Variants in SORL1 observed in about 807,000 individuals in gnomAD.
SORL1 encodes the protein sortilin related receptor 1.
Under a neutral mutation model 273.7 loss-of-function variants are expected in SORL1, and 127 were observed. The ratio of observed to expected loss-of-function variants is 0.46; its 90% confidence interval spans 0.40 to 0.54. The LOEUF is 0.54. Among genes scored for constraint, SORL1 ranks in the 20% least tolerant of loss-of-function variants. The pLI, the probability that SORL1 is intolerant of heterozygous loss-of-function variation, is 0.00. For synonymous variants in SORL1, 1,031 were observed against 1,067.4 expected (o/e 0.97, Z 0.66); for missense variants, 2,494 against 2,846.1 (o/e 0.88, Z 2.81).
chr11:121,473,756 G>A (rs113299964), intron 2 of SORL1, among the ~76,000 whole-genome samples: 7 of 152,266 alleles, frequency 4.6e-5, no homozygotes, highest in Admixed American at 1.3e-4. Flanking sequence ...TTAGCCAGGC[G>A]TGGTGGCACA....
chr11:121,587,412 C>T (rs150958718), intron 27 of SORL1, among the ~76,000 whole-genome samples: 3 of 152,218 alleles, frequency 2.0e-5, no homozygotes, highest in Non-Finnish European at 4.4e-5. Context: ...TTGCTGTGTC[C>T]TCACATGGCC....
chr11:121,611,394 C>T, intron 39 of SORL1: 1 of 395,042 alleles, frequency 2.5e-6, no homozygotes, highest in Non-Finnish European at 4.6e-6. Context: ...TATCCTTAAC[C>T]ATATAATTAA....
At chr11:121,559,141 C>T (rs944044219) in intron 20 of SORL1, among the ~76,000 whole-genome samples, 14 of 152,098 alleles carry the variant, frequency 9.2e-5, no homozygotes, top group Admixed American at 2.0e-4. Flanking sequence ...ATTTTTTGTG[C>T]GCTTTGCTCA....
Position 121,497,117 on chromosome 11 carries a change from T to G in SORL1, c.939+68T>G, listed in dbSNP as rs1861643730. ...TTTGTGAAGTTTGGCATTCTGTGAT[T>G]AAACAGGTGAGTTTGCATACACAGG... is the stretch of plus-strand genomic sequence containing the variant. On this transcript the variant is annotated intron_variant, in intron 6 of 47. Transcript: ENST00000260197. The G allele has an allele frequency of 5.9e-6, 8 of 1,363,672 alleles. No individual in the cohort carries two copies. The South Asian group carries it at 8.8e-5, about 15-fold the overall frequency. The allele number at this position is 1,363,672 out of a possible 1,614,324, so 84.5% of individuals were successfully genotyped here.
At chr11:121,457,112 C>T (rs115032157) in intron 1 of SORL1, among the ~76,000 whole-genome samples, 6 of 152,240 alleles carry the variant, frequency 3.9e-5, no homozygotes, top group Non-Finnish European at 5.9e-5. Context: ...TTCCACTTGG[C>T]GTCTTTTCTT....
intron 46 of SORL1, chr11:121,626,111 C>T (rs931433157): frequency 6.6e-6 from 1 of 152,216 alleles, no homozygotes; most frequent in African/African-American, 2.4e-5. Context: ...AAAACCAGCC[C>T]AACTCTTGTT....
chr11:121,492,060 C>A (rs1242873575), intron 5 of SORL1, among the ~76,000 whole-genome samples: 1 of 152,082 alleles, frequency 6.6e-6, no homozygotes, highest in Non-Finnish European at 1.5e-5. Context: ...ACCTTAGGAT[C>A]CTATTTAAAA....
intron 5 of SORL1, among the ~76,000 whole-genome samples, chr11:121,494,609 G>A (rs114058205): frequency 2.7e-3 from 418 of 152,304 alleles, no homozygotes; most frequent in African/African-American, 9.6e-3. Flanking sequence ...AGGTGTCAGT[G>A]AGCGTAAGAC....
At chr11:121,608,033 C>A in intron 37 of SORL1, 71 bp from the exon 38 acceptor site, 2 of 1,361,674 alleles carry the variant, frequency 1.5e-6, no homozygotes, top group Non-Finnish European at 2.1e-6. Flanking sequence ...TTAGCTCATT[C>A]AGTATTCTTA....
chr11:121,577,335 G>C lies in SORL1; in HGVS notation c.3515G>C (p.Arg1172Pro), dbSNP rs140487953. ...EYNCSSGMCI[R>P]SSWVCDGDND... ...AACTGCAGTTCCGGCATGTGCATCC[G>C]CTCCTCCTGGGTATGTGACGGGGAC... Residue 1172 changes from arginine to proline, a missense_variant, in exon 25 of 48, where the codon CGC (arginine) becomes CCC (proline). Arg to Pro is a moderately radical substitution (Grantham distance 103, BLOSUM62 -2). Around this residue, in one of 3 missense-constraint regions of SORL1, gnomAD observed 1,609 missense variants for 1,816.4 expected, o/e 0.89. Coordinates refer to ENST00000260197, the MANE Select transcript of SORL1 (RefSeq NM_003105.6). 1 of 1,613,514 alleles carries C rather than the reference G, an allele frequency of 6.2e-7. No homozygotes were observed. Among genetic ancestry groups the C allele is most frequent in the Middle Eastern group, 1.7e-4 (1 of 6,056 alleles).
chr11:121,559,948 C>G (rs1181232440), intron 21 of SORL1, among the ~76,000 whole-genome samples: 1 of 152,160 alleles, frequency 6.6e-6, no homozygotes, highest in Non-Finnish European at 1.5e-5. Flanking sequence ...TCTGTTGCAG[C>G]TGGGAGAGTC....
chr11:121,478,356 A>C, intron 3 of SORL1, 113 bp downstream of exon 3: 1 of 1,236,434 alleles, frequency 8.1e-7, no homozygotes, highest in South Asian at 1.5e-5. Flanking sequence ...TTGTAGCATG[A>C]CTGGTGGCTA....
intron 27 of SORL1, among the ~76,000 whole-genome samples, chr11:121,587,052 A>G (rs1051397528): frequency 3.7e-4 from 56 of 152,102 alleles, no homozygotes; most frequent in African/African-American, 1.4e-3. Context: ...AGTAACTACT[A>G]TTTGTTTACA....
intron 45 of SORL1, among the ~76,000 whole-genome samples, chr11:121,624,183 G>A (rs1380815772): frequency 6.6e-6 from 1 of 152,218 alleles, no homozygotes. Flanking sequence ...TTCAAGATGA[G>A]ATTTGGGTGG....
In SORL1 at chr11:121,570,167, T is replaced by C. The variant is rs768642956; in HGVS notation, c.3234T>C (p.Cys1078=). ...NNTCVKQENT[C]LRNQYRCSNG... is the part of the protein sequence containing the mutation. ...CACTCTGATGGGTAGAGAACACCTG[T>C]CTTCGCAACCAGTATCGCTGCAGCA... The change falls in exon 23 of 48, where the codon TGT becomes TGC. Residue 1078 remains cysteine, a synonymous_variant. Coordinates refer to ENST00000260197, the MANE Select transcript of SORL1 (RefSeq NM_003105.6). 1 of 1,613,650 alleles carries C rather than the reference T, an allele frequency of 6.2e-7. No individual in the cohort carries two copies. Among genetic ancestry groups the C allele is most frequent in the Admixed American group, 1.7e-5 (1 of 60,018 alleles).
chr11:121,532,196 C>G (rs1299704903), intron 11 of SORL1, among the ~76,000 whole-genome samples: 1 of 152,194 alleles, frequency 6.6e-6, no homozygotes, highest in Non-Finnish European at 1.5e-5. Context: ...CTGCTGTTCA[C>G]AGTCTACCAT....
intron 1 of SORL1, among the ~76,000 whole-genome samples, chr11:121,464,562 C>T (rs1861053759): frequency 6.6e-6 from 1 of 152,198 alleles, no homozygotes. Context: ...GTAGCAGGTC[C>T]TTCCCCTCAC....
rs181899256 is a variant in SORL1 at position 121,486,802 on chromosome 11, A to G, written c.529-1230A>G. Among the ~76,000 whole-genome samples the G allele has an allele frequency of 1.4e-3, 218 of 152,262 alleles. 2 individuals are homozygous for G. In the East Asian group the frequency reaches 0.036, roughly 25 times the overall value. On this transcript the variant is annotated intron_variant, in intron 3 of 47. Coordinates refer to ENST00000260197, the MANE Select transcript of SORL1 (RefSeq NM_003105.6). ...CGGTGAGACTCTGTTTCTACAAAAAATACAAAAACTTAGCTGGTTGTGATG... is the reference window on the plus strand; with the variant it reads ...CGGTGAGACTCTGTTTCTACAAAAAGTACAAAAACTTAGCTGGTTGTGATG...
chr11:121,475,029 C>T (rs1861241086), intron 2 of SORL1, among the ~76,000 whole-genome samples: 1 of 152,068 alleles, frequency 6.6e-6, no homozygotes, highest in Non-Finnish European at 1.5e-5. Context: ...AGCTGACGTG[C>T]GTAGATTGCT....
Sources: gnomAD v4.1 joint callset for allele counts (sites outside exome capture counted in the v4.1 genomes callset) on GRCh38, gnomAD v4.1.1 for gene constraint, gnomAD v4.1.1 regional missense constraint, MANE v1.5 for transcripts, NCBI Gene and HGNC (gene_info 2026-07-23, HGNC 2026-07-21) for gene names.